The following COLEC12 variants were observed in gnomAD, a reference collection of about 807,000 sequenced individuals.
COLEC12 encodes collectin subfamily member 12, also known as collectin-12.
COLEC12 carries 33 observed loss-of-function variants against 71.1 expected under a neutral mutation model. The observed-to-expected ratio is 0.46, with a 90% confidence interval of 0.35 to 0.62. COLEC12 has a LOEUF of 0.62. COLEC12 is among the 20% of genes least tolerant of loss of function. The pLI, the probability that COLEC12 is intolerant of heterozygous loss-of-function variation, is 0.00. For missense variants in COLEC12, 765 were observed against 916.1 expected, an observed-to-expected ratio of 0.84 and a Z score of 2.13; for synonymous variants, 350 against 353.0, an observed-to-expected ratio of 0.99 and a Z score of 0.10.
intron 4 of COLEC12, 90 bp from the exon 5 acceptor site, chr18:347,431 CA>C (rs943785813): frequency 9.3e-7 from 1 of 1,081,008 alleles, no homozygotes; most frequent in Non-Finnish European, 1.4e-6. Context: ...AATCGGTATG[CA>C]CTGTATTTTA....
chr18:463,451 CCA>C lies in COLEC12; in HGVS notation c.58+17254_58+17255del, dbSNP rs145789187. ...CAATTAAAATCAAGAAAGTAATAAA[CCA>C]CACACACACAGAGAGAAAAATAATT... On this transcript the variant is annotated intron_variant, in intron 2 of 9. Transcript: ENST00000400256. Among the ~76,000 whole-genome samples the C allele has an allele frequency of 1.5e-3, 229 of 152,116 alleles. 4 individuals carry two copies. The highest frequency in any genetic ancestry group is 4.2e-3 in the Admixed American group (64 of 15,268).
chr18:369,539 G>A lies in COLEC12; in HGVS notation c.59-12017C>T, dbSNP rs141030952. ...ATGTATACATGTGCCATGCTGGTGC[G>A]CTGCACCCACTAACGTGTCATCTAG... On this transcript the variant is annotated intron_variant, in intron 2 of 9. Coordinates refer to ENST00000400256, the MANE Select transcript of COLEC12 (RefSeq NM_130386.3). Among the ~76,000 whole-genome samples, 2,200 of 151,280 alleles carry A rather than the reference G, an allele frequency of 0.015. 261 individuals carry two copies. In the East Asian group the frequency reaches 0.32, roughly 22 times the overall value.
At chr18:419,617 C>A (rs58627428) in intron 2 of COLEC12, among the ~76,000 whole-genome samples, 7,831 of 152,266 alleles carry the variant, frequency 0.051, 681 homozygotes, top group African/African-American at 0.18. Context: ...ACAGGAAGAA[C>A]TCTGAAATGA....
intron 2 of COLEC12, among the ~76,000 whole-genome samples, chr18:384,156 A>T (rs1457389864): frequency 6.6e-6 from 1 of 152,184 alleles, no homozygotes; most frequent in Non-Finnish European, 1.5e-5. Context: ...CGACATACCC[A>T]AGAAGCTTTT....
At chr18:349,990 G>A (rs1295242338) in intron 3 of COLEC12, among the ~76,000 whole-genome samples, 2 of 152,202 alleles carry the variant, frequency 1.3e-5, no homozygotes, top group East Asian at 3.8e-4. Flanking sequence ...TTGGACTGCA[G>A]ACTTTAGGGT....
rs567065430 is a variant in COLEC12, at chr18:350,316, G to A, written c.182-2153C>T. Among the ~76,000 whole-genome samples the A allele has an allele frequency of 9.2e-5, 14 of 152,176 alleles. No homozygotes were observed. In the East Asian group the frequency reaches 1.2e-3, roughly 13 times the overall value. ...CTCTTGCTGCTGCCGTGTAAGAAGTGCCTTTTGCCTCCCACCATGATTCTG... is the reference window on the plus strand; with the variant it reads ...CTCTTGCTGCTGCCGTGTAAGAAGTACCTTTTGCCTCCCACCATGATTCTG... On this transcript the variant is annotated intron_variant, in intron 3 of 9. Coordinates refer to ENST00000400256, the MANE Select transcript of COLEC12 (RefSeq NM_130386.3).
chr18:445,635 C>CCTTTTT (rs1916631643), intron 2 of COLEC12, among the ~76,000 whole-genome samples: 3 of 137,382 alleles, frequency 2.2e-5, no homozygotes, highest in Non-Finnish European at 4.6e-5. Flanking sequence ...CACTAATCCA[C>CCTTTTT]TTTTTTTTTT....
intron 5 of COLEC12, among the ~76,000 whole-genome samples, chr18:344,992 T>C (rs1914338893): frequency 6.6e-6 from 1 of 152,240 alleles, no homozygotes; most frequent in African/African-American, 2.4e-5. Flanking sequence ...CAGGGGCTTA[T>C]TAACTACCAC....
chr18:483,157 T>C (rs752134161), intron 1 of COLEC12, among the ~76,000 whole-genome samples: 1 of 151,994 alleles, frequency 6.6e-6, no homozygotes, highest in Non-Finnish European at 1.5e-5. Context: ...CCCAGCACTT[T>C]AGGAGGTTGA....
At chr18:452,011 C>G (rs1916772238) in intron 2 of COLEC12, among the ~76,000 whole-genome samples, 1 of 152,188 alleles carries the variant, frequency 6.6e-6, no homozygotes, top group Non-Finnish European at 1.5e-5. Flanking sequence ...AAACTCTTCT[C>G]TATTTTTTAA....
At chr18:484,548 A>C (rs1598380130) in intron 1 of COLEC12, among the ~76,000 whole-genome samples, 1 of 152,250 alleles carries the variant, frequency 6.6e-6, no homozygotes, top group African/African-American at 2.4e-5. Flanking sequence ...GCAATTATAC[A>C]GAAGTGCCTT....
intron 2 of COLEC12, among the ~76,000 whole-genome samples, chr18:367,142 C>T (rs1914872093): frequency 1.3e-5 from 2 of 152,218 alleles, no homozygotes; most frequent in Non-Finnish European, 2.9e-5. Flanking sequence ...CAATCCAACA[C>T]TTGCCTTGAG....
chr18:438,581 G>A (rs919883481), intron 2 of COLEC12, among the ~76,000 whole-genome samples: 1 of 152,112 alleles, frequency 6.6e-6, no homozygotes, highest in Non-Finnish European at 1.5e-5. Flanking sequence ...GGGAGGCCAA[G>A]GCAGGAGATC....
chr18:323,740 C>T (rs911358215), intron 8 of COLEC12, among the ~76,000 whole-genome samples: 1 of 152,016 alleles, frequency 6.6e-6, no homozygotes, highest in Non-Finnish European at 1.5e-5. Context: ...ATCTATGATT[C>T]CTGAATGTAT....
At chr18:393,295 C>T (rs1915501196) in intron 2 of COLEC12, among the ~76,000 whole-genome samples, 2 of 152,318 alleles carry the variant, frequency 1.3e-5, no homozygotes, top group Middle Eastern at 3.4e-3. Flanking sequence ...GAGAAGTGTC[C>T]CTTGGCTCTT....
intron 2 of COLEC12, among the ~76,000 whole-genome samples, chr18:457,895 T>A (rs1474134128): frequency 6.6e-6 from 1 of 152,194 alleles, no homozygotes; most frequent in Non-Finnish European, 1.5e-5. Context: ...ACTGGCAGGA[T>A]ATAGGTAGTT....
Position 362,156 on chromosome 18 carries a change from C to G in COLEC12, c.59-4634G>C, listed in dbSNP as rs886161901. On this transcript the variant is annotated intron_variant, in intron 2 of 9. Coordinates refer to ENST00000400256, the MANE Select transcript of COLEC12 (RefSeq NM_130386.3). The surrounding 1 kb of genome is among the most constrained non-coding windows in gnomAD (Gnocchi z 4.6). ...CCAGGCATCTGGTGCATGTGGTATTCGTGCAGATCCAAGCCCGGACAGCTG... is the reference window on the plus strand; with the variant it reads ...CCAGGCATCTGGTGCATGTGGTATTGGTGCAGATCCAAGCCCGGACAGCTG... 2.0e-5 allele frequency among the ~76,000 whole-genome samples: 3 copies of G among 152,158 alleles called. No individual in the cohort carries two copies. Among genetic ancestry groups the G allele is most frequent in the African/African-American group, 7.2e-5 (3 of 41,446 alleles).
In COLEC12 at chr18:500,432, G is replaced by GGCCC; in HGVS notation, c.7+75_7+76insGGGC. 1 of 848,804 alleles carries GGCCC rather than the reference G, an allele frequency of 1.2e-6. No homozygotes were observed. Among genetic ancestry groups the GGCCC allele is most frequent in the Non-Finnish European group, 1.4e-6 (1 of 696,188 alleles). 52.6% of individuals were successfully genotyped at this position (848,804 alleles called of 1,614,324 possible). A position where few individuals can be genotyped will look rare whatever the true frequency, so the allele number is the denominator to read the frequency against. On this transcript the variant is annotated intron_variant, in intron 1 of 9. Coordinates refer to ENST00000400256, the MANE Select transcript of COLEC12 (RefSeq NM_130386.3). The surrounding 1 kb of genome is among the most constrained non-coding windows in gnomAD (Gnocchi z 5.3). ...GCCCAAGGGAAGGTTCGCGCGGGAGGCACCTCCGTGGCCTCCCGCGCGCCC... is the reference window on the plus strand; with the variant it reads ...GCCCAAGGGAAGGTTCGCGCGGGAGGGCCCCACCTCCGTGGCCTCCCGCGCGCCC...
rs924732521 is a variant in COLEC12 at position 362,252 on chromosome 18, G to C, written c.59-4730C>G. Among the ~76,000 whole-genome samples, 3 of 152,150 alleles carry C rather than the reference G, an allele frequency of 2.0e-5. No individual in the cohort carries two copies. The highest frequency in any genetic ancestry group is 7.2e-5 in the African/African-American group (3 of 41,440). The stretch of plus-strand genomic sequence containing the variant: ...GCATTTCTCACTGCTGACTCTATCA[G>C]CATTTAATCAATATCAGATGGCACT... On this transcript the variant is annotated intron_variant, in intron 2 of 9. Transcript: ENST00000400256. The surrounding 1 kb of genome is among the most constrained non-coding windows in gnomAD (Gnocchi z 4.6).
Sources: gnomAD v4.1 joint callset for allele counts (sites outside exome capture counted in the v4.1 genomes callset) on GRCh38, gnomAD v4.1.1 for gene constraint, Gnocchi (gnomAD v3.1) non-coding constraint, MANE v1.5 for transcripts, NCBI Gene and HGNC (gene_info 2026-07-23, HGNC 2026-07-21) for gene names.